The following PTPRD variants were observed in gnomAD, a reference collection of about 807,000 sequenced individuals.
The protein encoded by PTPRD is protein tyrosine phosphatase receptor type D.
A neutral mutation model predicts 214.5 loss-of-function variants in PTPRD; 34 were observed. The ratio of observed to expected loss-of-function variants is 0.16; its 90% CI spans 0.12 to 0.21. The LOEUF (loss-of-function observed/expected upper bound fraction) is 0.21. Among genes scored for constraint, PTPRD ranks in the 10% least tolerant of loss-of-function variants. The pLI is 1.00. For synonymous variants in PTPRD, 1,128 were observed against 845.7 expected (o/e 1.33, Z -5.79); for missense variants, 2,545 against 2,398.7 (o/e 1.06, Z -1.27).
In PTPRD at chr9:8,382,418, G is replaced by A. The variant is rs73416471; in HGVS notation, c.4387-5692C>T. ...GTACAAAGTCATCAGGAGCAAAGTT[G>A]CATCTCCTCCTCCCATTCCAGCTCT... On this transcript the variant is annotated intron_variant, in intron 37 of 45. Coordinates refer to ENST00000381196, the MANE Select transcript of PTPRD (RefSeq NM_002839.4). Among the ~76,000 whole-genome samples, 109 of 152,302 alleles carry A rather than the reference G, an allele frequency of 7.2e-4. 1 individual carries two copies. The highest frequency in any genetic ancestry group is 2.6e-3 in the African/African-American group (106 of 41,564).
chr9:8,967,174 A>C (rs542019649), intron 11 of PTPRD, among the ~76,000 whole-genome samples: 2 of 152,118 alleles, frequency 1.3e-5, no homozygotes, highest in East Asian at 3.9e-4. Flanking sequence ...TGTGGAAAAA[A>C]GGGAATGCTT....
intron 7 of PTPRD, among the ~76,000 whole-genome samples, chr9:9,647,991 T>A (rs2096240749): frequency 1.3e-5 from 2 of 152,162 alleles, no homozygotes; most frequent in African/African-American, 4.8e-5. Flanking sequence ...AATAATTTTT[T>A]AAAAACTATT....
At chr9:9,366,688 A>G (rs2057979308) in intron 9 of PTPRD, among the ~76,000 whole-genome samples, 1 of 151,644 alleles carries the variant, frequency 6.6e-6, no homozygotes, top group East Asian at 1.9e-4. Context: ...CACTGATTTT[A>G]GTAAATGAAA....
chr9:8,436,034 T>C (rs1253498850), intron 35 of PTPRD, among the ~76,000 whole-genome samples: 1 of 152,226 alleles, frequency 6.6e-6, no homozygotes, highest in African/African-American at 2.4e-5. Flanking sequence ...CACAAATCAG[T>C]GTATTTGGCA....
At chr9:8,656,791 T>C (rs1343050099) in intron 12 of PTPRD, among the ~76,000 whole-genome samples, 2 of 152,234 alleles carry the variant, frequency 1.3e-5, no homozygotes, top group African/African-American at 2.4e-5. Context: ...TACTCCCTAC[T>C]GCTCACTTTA....
At chr9:10,219,344 C>A (rs2099555376) in intron 3 of PTPRD, among the ~76,000 whole-genome samples, 1 of 151,836 alleles carries the variant, frequency 6.6e-6, no homozygotes, top group Non-Finnish European at 1.5e-5. Context: ...AAATACTGCT[C>A]CACACCTGCT....
chr9:9,968,302 C>G (rs1587707334), intron 4 of PTPRD, among the ~76,000 whole-genome samples: 1 of 152,080 alleles, frequency 6.6e-6, no homozygotes, highest in Admixed American at 6.5e-5. Context: ...AATGACATTT[C>G]TAGTAGATTC....
chr9:8,712,188 T>C (rs1290125109), intron 12 of PTPRD, among the ~76,000 whole-genome samples: 1 of 152,196 alleles, frequency 6.6e-6, no homozygotes, highest in East Asian at 1.9e-4. Context: ...ATCACATAAC[T>C]ATATTGAAGG....
chr9:9,411,459 G>A (rs181737641), intron 8 of PTPRD, among the ~76,000 whole-genome samples: 2 of 152,014 alleles, frequency 1.3e-5, no homozygotes, highest in Admixed American at 6.5e-5. Context: ...TCAATATCCA[G>A]AACTGTCTAA....
rs371491854 is a variant in PTPRD at position 8,848,313 on chromosome 9, CTTTTTTTT to C, written c.-103-114375_-103-114368del. On this transcript the variant is annotated intron_variant, in intron 11 of 45. Coordinates refer to ENST00000381196, the MANE Select transcript of PTPRD (RefSeq NM_002839.4). Reference sequence around the variant, plus strand: ...TACTTATTAATGCTTAAGATTTTTCCTTTTTTTTTTTTTTTTTTTTTTTTTAGTTTTTT... The same window carrying C: ...TACTTATTAATGCTTAAGATTTTTCCTTTTTTTTTTTTTTTTTAGTTTTTT... Among the ~76,000 whole-genome samples the C allele has an allele frequency of 6.8e-3, 903 of 132,652 alleles. 15 individuals are homozygous for C. Among genetic ancestry groups the C allele is most frequent in the African/African-American group, 0.02 (728 of 35,690 alleles). The allele number at this position is 132,652 out of a possible 152,430, so 87.0% of individuals were successfully genotyped here. A position where few individuals can be genotyped will look rare whatever the true frequency, so the allele number is the denominator to read the frequency against.
At chr9:9,692,362 A>C (rs2097289097) in intron 7 of PTPRD, among the ~76,000 whole-genome samples, 1 of 152,192 alleles carries the variant, frequency 6.6e-6, no homozygotes, top group African/African-American at 2.4e-5. Context: ...CAGTATTCCC[A>C]GCACCATTTA....
intron 2 of PTPRD, among the ~76,000 whole-genome samples, chr9:10,434,388 T>C (rs1323140873): frequency 6.6e-6 from 1 of 151,904 alleles, no homozygotes; most frequent in Non-Finnish European, 1.5e-5. Context: ...ATAACTAAAA[T>C]TTATAGTCAA....
At chr9:10,432,321 G>A (rs2098687986) in intron 2 of PTPRD, among the ~76,000 whole-genome samples, 1 of 149,956 alleles carries the variant, frequency 6.7e-6, no homozygotes, top group African/African-American at 2.4e-5. Context: ...AGCATTGGGA[G>A]ATATACCTAA....
At chr9:9,526,349 G>C (rs2074115427) in intron 8 of PTPRD, among the ~76,000 whole-genome samples, 1 of 152,114 alleles carries the variant, frequency 6.6e-6, no homozygotes. Flanking sequence ...CACTTATCTA[G>C]GCTAGGTCAT....
chr9:9,600,148 C>T (rs908616046), intron 7 of PTPRD, among the ~76,000 whole-genome samples: 1 of 151,862 alleles, frequency 6.6e-6, no homozygotes, highest in Non-Finnish European at 1.5e-5. Context: ...GAAAATGACA[C>T]GATAGAGGTA....
chr9:9,916,509 T>C lies in PTPRD; in HGVS notation c.-368+21998A>G, dbSNP rs1282275573. On this transcript the variant is annotated intron_variant, in intron 5 of 45. Transcript: ENST00000381196. ...AGATATAAATTGGTTGAATAGATTT[T>C]TAAAATCCTCTCTCTATATATATAT... Among the ~76,000 whole-genome samples the C allele has an allele frequency of 5.7e-4, 86 of 151,884 alleles. 1 individual carries two copies. Among genetic ancestry groups the C allele is most frequent in the Admixed American group, 5.6e-3 (86 of 15,250 alleles).
chr9:8,465,632 C>T lies in PTPRD; in HGVS notation c.3548G>A (p.Gly1183Glu), dbSNP rs144936979. ...ISRKRRSIRY[G>E]REVELKPYIA... ...ATATGGCTTTAATTCAACTTCTCTC[C>T]CATAACGGATGCTTCTGCGCTTCCT... The change falls in exon 32 of 46, where the codon GGG (glycine) becomes GAG (glutamate). Residue 1183 changes from glycine to glutamate, a missense_variant. Coordinates refer to ENST00000381196, the MANE Select transcript of PTPRD (RefSeq NM_002839.4). 4 of 1,612,258 alleles carry T rather than the reference C, an allele frequency of 2.5e-6. No homozygotes were observed. Among genetic ancestry groups the T allele is most frequent in the South Asian group, 1.1e-5 (1 of 91,012 alleles).
intron 11 of PTPRD, among the ~76,000 whole-genome samples, chr9:8,999,625 G>A (rs920343886): frequency 6.6e-6 from 1 of 151,816 alleles, no homozygotes; most frequent in African/African-American, 2.4e-5. Flanking sequence ...TAATATCTCC[G>A]AGGTATGCTT....
At chr9:10,142,742 A>C (rs2154268657) in intron 3 of PTPRD, among the ~76,000 whole-genome samples, 1 of 149,422 alleles carries the variant, frequency 6.7e-6, no homozygotes, top group South Asian at 2.2e-4. Context: ...CTGGAACTAG[A>C]AATACCATTT....
Sources: allele counts gnomAD v4.1 joint callset (sites outside exome capture counted in the v4.1 genomes callset), GRCh38; gene constraint gnomAD v4.1.1; transcripts MANE v1.5; gene names NCBI Gene and HGNC (gene_info 2026-07-23, HGNC 2026-07-21).